Variants in PIWIL2 observed in about 807,000 individuals in gnomAD.
The protein encoded by PIWIL2 is piwi-like protein 2.
In PIWIL2, 81 loss-of-function variants were observed where a neutral mutation model predicts 116.5. The observed-to-expected ratio is 0.70, with a 90% confidence interval of 0.58 to 0.84. PIWIL2 has a LOEUF of 0.84. PIWIL2 is among the 40% of genes least tolerant of loss of function. PIWIL2 has a pLI of 0.00. For missense variants in PIWIL2, 1,272 were observed against 1,212.3 expected (o/e 1.05, Z -0.73); for synonymous variants, 489 against 429.5 (o/e 1.14, Z -1.71).
intron 6 of PIWIL2, among the ~76,000 whole-genome samples, chr8:22,285,402 G>A (rs540228858): frequency 2.0e-5 from 3 of 152,124 alleles, no homozygotes; most frequent in African/African-American, 4.8e-5. Flanking sequence ...ATGACAGGAT[G>A]TACTTCTTTT....
intron 20 of PIWIL2, among the ~76,000 whole-genome samples, chr8:22,343,480 C>T (rs1018462167): frequency 2.6e-5 from 4 of 151,978 alleles, no homozygotes; most frequent in Non-Finnish European, 5.9e-5. Context: ...TGCCTGTAAT[C>T]CTAGCTACTC....
At chr8:22,325,912 G>A (rs1302202123) in intron 20 of PIWIL2, among the ~76,000 whole-genome samples, 1 of 152,200 alleles carries the variant, frequency 6.6e-6, no homozygotes, top group Non-Finnish European at 1.5e-5. Context: ...ACCAGAGTAA[G>A]TCCAACTTGC....
At chr8:22,318,888 G>T (rs1586574959) in intron 20 of PIWIL2, among the ~76,000 whole-genome samples, 2 of 152,216 alleles carry the variant, frequency 1.3e-5, no homozygotes, top group African/African-American at 4.8e-5. Flanking sequence ...TTGGGGATAA[G>T]TTTCAGCAAT....
chr8:22,317,210 T>A (rs74984810), intron 19 of PIWIL2, among the ~76,000 whole-genome samples: 7,557 of 152,288 alleles, frequency 0.05, 293 homozygotes, highest in Admixed American at 0.086. Context: ...TTTTTGATTG[T>A]TTGTTCCAAC....
intron 10 of PIWIL2, among the ~76,000 whole-genome samples, chr8:22,298,971 A>T (rs986812316): frequency 2.0e-5 from 3 of 152,152 alleles, no homozygotes; most frequent in Non-Finnish European, 4.4e-5. Context: ...TTGCTGAATA[A>T]ATTGATGTAG....
chr8:22,281,306 T>TTA, intron 3 of PIWIL2, 71 bp from the exon 4 acceptor site: 3 of 1,246,720 alleles, frequency 2.4e-6, no homozygotes, highest in African/African-American at 1.5e-5. Flanking sequence ...GTGCTTTTTT[T>TTA]AAAAAAAAAA....
chr8:22,307,473 ATTTTTTTTTTTTTT>A (rs56755716), intron 13 of PIWIL2, among the ~76,000 whole-genome samples: 1 of 111,256 alleles, frequency 9.0e-6, no homozygotes, highest in African/African-American at 4.4e-5. Context: ...TTTATTATTC[ATTTTTTTTTTTTTT>A]TTTTTTTTTT....
rs146535184 is a variant in PIWIL2, at chr8:22,288,523, G to A, written c.862-19G>A. 1,356 of 1,605,204 alleles carry A rather than the reference G, an allele frequency of 8.4e-4. 1 individual carries two copies. The highest frequency in any genetic ancestry group is 1.0e-3 in the Admixed American group (62 of 59,418). The stretch of plus-strand genomic sequence containing the variant: ...TTAGTTTTGTCATTTTGTTTCACCT[G>A]TGTGTATTTATTTGTTAGGTTCTTG... On this transcript the variant is annotated intron_variant, in intron 7 of 22. Coordinates refer to ENST00000356766, the MANE Select transcript of PIWIL2 (RefSeq NM_018068.5).
chr8:22,314,192 C>T (rs745864679), intron 16 of PIWIL2, 136 bp from the exon 17 acceptor site: 12 of 440,094 alleles, frequency 2.7e-5, no homozygotes, highest in Non-Finnish European at 4.9e-5. Flanking sequence ...TTGGAATGTC[C>T]ACCCTCTTTA....
At chr8:22,329,761 TATTAGCATTCC>T (rs1339711910) in intron 20 of PIWIL2, among the ~76,000 whole-genome samples, 1 of 152,214 alleles carries the variant, frequency 6.6e-6, no homozygotes, top group Non-Finnish European at 1.5e-5. Flanking sequence ...GCTAATTCTG[TATTAGCATTCC>T]CCAGAGAAAC....
intron 20 of PIWIL2, among the ~76,000 whole-genome samples, chr8:22,350,007 T>C (rs1252490656): frequency 6.6e-6 from 1 of 152,130 alleles, no homozygotes; most frequent in Non-Finnish European, 1.5e-5. Flanking sequence ...CAGTGGGTGA[T>C]ATATAAAGGC....
chr8:22,314,633 AAC>A (rs1172198125), intron 17 of PIWIL2, among the ~76,000 whole-genome samples: 1 of 152,150 alleles, frequency 6.6e-6, no homozygotes, highest in African/African-American at 2.4e-5. Flanking sequence ...CTTCCAAATG[AAC>A]AGTTTCGCTT....
At chr8:22,330,572 C>T (rs1831834944) in intron 20 of PIWIL2, among the ~76,000 whole-genome samples, 1 of 151,734 alleles carries the variant, frequency 6.6e-6, no homozygotes, top group Non-Finnish European at 1.5e-5. Context: ...TGGCGGGCAC[C>T]TGTAATCCCA....
At chr8:22,312,539 T>G (rs2132046519) in intron 16 of PIWIL2, among the ~76,000 whole-genome samples, 1 of 152,222 alleles carries the variant, frequency 6.6e-6, no homozygotes, top group South Asian at 2.1e-4. Flanking sequence ...GCAGTGAGAT[T>G]ACAGGCGTGA....
chr8:22,304,130 G>T lies in PIWIL2; in HGVS notation c.1291G>T (p.Asp431Tyr). 1 of 1,612,924 alleles carries T rather than the reference G, an allele frequency of 6.2e-7. No individual in the cohort carries two copies. Among genetic ancestry groups the T allele is most frequent in the Non-Finnish European group, 8.5e-7 (1 of 1,178,940 alleles). ...RYNNRTYRID[D>Y]VDWNKTPKDS... Reference sequence around the variant, plus strand: ...TAACAATCGTACCTATCGTATTGATGATGTGGATTGGAATAAGACTCCAAA... The same window carrying T: ...TAACAATCGTACCTATCGTATTGATTATGTGGATTGGAATAAGACTCCAAA... The change falls in exon 11 of 23, where the codon GAT (aspartate) becomes TAT (tyrosine). Residue 431 changes from aspartate (D) to tyrosine (Y), a missense_variant. Asp to Tyr is a radical substitution (Grantham distance 160, BLOSUM62 -3). Transcript: ENST00000356766.
chr8:22,318,365 T>A, intron 20 of PIWIL2, 90 bp downstream of exon 20: 1 of 694,954 alleles, frequency 1.4e-6, no homozygotes. Flanking sequence ...TCGCCCAGGT[T>A]GGAGTGCAGT....
intron 20 of PIWIL2, among the ~76,000 whole-genome samples, chr8:22,350,621 A>G (rs1448790251): frequency 6.6e-6 from 1 of 152,138 alleles, no homozygotes; most frequent in African/African-American, 2.4e-5. Context: ...AAAGTACCAC[A>G]AACTGGTGCA....
rs144012241 is a variant in PIWIL2 at position 22,340,309 on chromosome 8, G to A, written c.2404-12650G>A. On this transcript the variant is annotated intron_variant, in intron 20 of 22. Transcript: ENST00000356766. ...CGACCTCGGGTGATCTGCCTGCCTCGGCCTCCCGAAGTGCTGGAATTACAG... is the reference window on the plus strand; with the variant it reads ...CGACCTCGGGTGATCTGCCTGCCTCAGCCTCCCGAAGTGCTGGAATTACAG... Among the ~76,000 whole-genome samples the A allele has an allele frequency of 5.3e-4, 80 of 152,020 alleles. 1 individual carries two copies. The highest frequency in any genetic ancestry group is 1.7e-3 in the African/African-American group (72 of 41,478).
Position 22,296,401 on chromosome 8 carries a change from T to A in PIWIL2, c.1181+6055T>A, listed in dbSNP as rs80040224. On this transcript the variant is annotated intron_variant, in intron 10 of 22. Coordinates refer to ENST00000356766, the MANE Select transcript of PIWIL2 (RefSeq NM_018068.5). ...ATGTCAGATCTCATAACTGCTGCTT[T>A]CTTGATTTATTCCCTTGTTTTAGTG... is the stretch of plus-strand genomic sequence containing the variant. 7.2e-5 allele frequency among the ~76,000 whole-genome samples: 11 copies of A among 152,308 alleles called. No individual in the cohort carries two copies. The East Asian group carries it at 2.1e-3, about 29-fold the overall frequency.
Sources: gnomAD v4.1 joint callset for allele counts (sites outside exome capture counted in the v4.1 genomes callset) on GRCh38, gnomAD v4.1.1 for gene constraint, MANE v1.5 for transcripts, NCBI Gene and HGNC (gene_info 2026-07-23, HGNC 2026-07-21) for gene names.